The following SLC9C1 variants were observed in gnomAD, a reference collection of about 807,000 sequenced individuals.
SLC9C1 encodes the protein sodium/hydrogen exchanger 10.
Under a neutral mutation model 140.9 loss-of-function variants are expected in SLC9C1, and 97 were observed. That is an observed-to-expected ratio of 0.69 (90% CI 0.58 to 0.82). The LOEUF is 0.82. Among genes scored for constraint, SLC9C1 ranks in the 40% least tolerant of loss-of-function variants. The pLI, the probability that SLC9C1 is intolerant of heterozygous loss-of-function variation, is 0.00. For missense variants in SLC9C1, 1,340 were observed against 1,389.3 expected (o/e 0.96, Z 0.56); for synonymous variants, 440 against 442.6 (o/e 0.99, Z 0.07).
At chr3:112,149,829 A>G (rs1411396555) in intron 28 of SLC9C1, among the ~76,000 whole-genome samples, 1 of 151,956 alleles carries the variant, frequency 6.6e-6, no homozygotes, top group Non-Finnish European at 1.5e-5. Flanking sequence ...ATCTGTGTCC[A>G]GGAAGGGTGG....
At chr3:112,258,404 T>TTTTG (rs893640102) in intron 10 of SLC9C1, among the ~76,000 whole-genome samples, 6 of 135,922 alleles carry the variant, frequency 4.4e-5, no homozygotes, top group East Asian at 2.4e-4. Context: ...GGGTGGGTTT[T>TTTTG]TTTGTTTGTT....
intron 10 of SLC9C1, among the ~76,000 whole-genome samples, chr3:112,244,799 T>C (rs2079233564): frequency 1.3e-5 from 2 of 152,288 alleles, no homozygotes; most frequent in South Asian, 4.1e-4. Flanking sequence ...GGATAGAGCA[T>C]GAAACCACAC....
chr3:112,267,491 G>A (rs1407724374), intron 7 of SLC9C1, among the ~76,000 whole-genome samples: 1 of 143,050 alleles, frequency 7.0e-6, no homozygotes, highest in East Asian at 2.2e-4. Flanking sequence ...CAGGAGAATG[G>A]CGAGAACCCG....
chr3:112,217,354 A>G, intron 15 of SLC9C1, 88 bp downstream of exon 15: 1 of 1,464,630 alleles, frequency 6.8e-7, no homozygotes, highest in Non-Finnish European at 9.1e-7. Flanking sequence ...GTATAATAAC[A>G]AAAAATTCAA....
Position 112,274,745 on chromosome 3 carries a change from A to G in SLC9C1, c.613+152T>C, listed in dbSNP as rs1399863297. The G allele has an allele frequency of 9.9e-6, 7 of 704,084 alleles. 1 individual carries two copies. Among genetic ancestry groups the G allele is most frequent in the Non-Finnish European group, 1.4e-5 (7 of 495,562 alleles). 43.6% of individuals were successfully genotyped at this position (704,084 alleles called of 1,614,324 possible). A position where few individuals can be genotyped will look rare whatever the true frequency, so the allele number is the denominator to read the frequency against. Reference sequence around the variant, plus strand: ...ATGTAACTAACATTAAGTAATGTGTAATAGTGCTTTGTAAAGAGTAAGTCA... The same window carrying G: ...ATGTAACTAACATTAAGTAATGTGTGATAGTGCTTTGTAAAGAGTAAGTCA... On this transcript the variant is annotated intron_variant, in intron 6 of 28. Coordinates refer to ENST00000305815, the MANE Select transcript of SLC9C1 (RefSeq NM_183061.3).
intron 10 of SLC9C1, among the ~76,000 whole-genome samples, chr3:112,258,658 T>G (rs1426683521): frequency 6.6e-6 from 1 of 152,000 alleles, no homozygotes; most frequent in Non-Finnish European, 1.5e-5. Flanking sequence ...CAGGGTTTCA[T>G]CATGTTGGCT....
chr3:112,257,323 A>G (rs2079636115), intron 10 of SLC9C1, among the ~76,000 whole-genome samples: 2 of 152,146 alleles, frequency 1.3e-5, no homozygotes, highest in Non-Finnish European at 2.9e-5. Context: ...AGTAATCAAA[A>G]CTGCATGGGT....
intron 10 of SLC9C1, among the ~76,000 whole-genome samples, chr3:112,244,785 T>G (rs2079233479): frequency 6.6e-6 from 1 of 152,172 alleles, no homozygotes; most frequent in Non-Finnish European, 1.5e-5. Context: ...ACAGATGGAA[T>G]TAGGGATAGA....
At chr3:112,205,207 C>G (rs2078013307) in intron 16 of SLC9C1, among the ~76,000 whole-genome samples, 1 of 152,014 alleles carries the variant, frequency 6.6e-6, no homozygotes, top group Non-Finnish European at 1.5e-5. Flanking sequence ...AGCAAAGTCT[C>G]AGGATACAAA....
chr3:112,224,291 A>C (rs2078620843), intron 13 of SLC9C1, among the ~76,000 whole-genome samples: 1 of 152,160 alleles, frequency 6.6e-6, no homozygotes, highest in Admixed American at 6.6e-5. Flanking sequence ...TACCCAACTG[A>C]CACCCTGGGA....
intron 12 of SLC9C1, among the ~76,000 whole-genome samples, chr3:112,233,478 TCTTG>T (rs1452013367): frequency 1.3e-5 from 2 of 152,170 alleles, no homozygotes; most frequent in African/African-American, 4.8e-5. Context: ...TTTTGGTATT[TCTTG>T]ATTCTTTTTT....
chr3:112,226,586 G>A (rs548833206), intron 13 of SLC9C1, among the ~76,000 whole-genome samples: 2 of 152,156 alleles, frequency 1.3e-5, no homozygotes, highest in African/African-American at 4.8e-5. Flanking sequence ...GCCAGGTGTG[G>A]TGGCAAGCAC....
chr3:112,189,714 G>C (rs939579727), intron 20 of SLC9C1, among the ~76,000 whole-genome samples: 3 of 152,112 alleles, frequency 2.0e-5, no homozygotes, highest in Non-Finnish European at 4.4e-5. Context: ...TTAGCAATGC[G>C]GGCTCTTTTT....
intron 19 of SLC9C1, 147 bp downstream of exon 19, chr3:112,200,564 A>C (rs2077880704): frequency 3.0e-6 from 2 of 667,514 alleles, no homozygotes; most frequent in Non-Finnish European, 5.2e-6. Flanking sequence ...CTAGAAAATA[A>C]GATTGCATTG....
intron 26 of SLC9C1, among the ~76,000 whole-genome samples, chr3:112,157,851 A>C (rs2075172201): frequency 6.6e-6 from 1 of 151,388 alleles, no homozygotes; most frequent in Non-Finnish European, 1.5e-5. Flanking sequence ...AATGCTACTG[A>C]CTTTTTGTAT....
At chr3:112,287,389 G>A (rs1479557113) in intron 1 of SLC9C1, among the ~76,000 whole-genome samples, 2 of 152,214 alleles carry the variant, frequency 1.3e-5, no homozygotes, top group East Asian at 3.8e-4. Context: ...TCCAATCACA[G>A]CCTTCTTTGA....
chr3:112,285,668 C>T (rs1174241874), intron 2 of SLC9C1, among the ~76,000 whole-genome samples: 2 of 152,150 alleles, frequency 1.3e-5, no homozygotes, highest in East Asian at 1.9e-4. Context: ...GGAAAACAAG[C>T]AAGGGAGTCC....
At chr3:112,260,952 A>G (rs2079755125) in intron 10 of SLC9C1, among the ~76,000 whole-genome samples, 1 of 151,912 alleles carries the variant, frequency 6.6e-6, no homozygotes, top group Non-Finnish European at 1.5e-5. Context: ...CCTCCATGAT[A>G]CCCTGCCTCC....
chr3:112,217,562 C>G lies in SLC9C1; in HGVS notation c.1671-1G>C. ...CTTTATTGTATCAAGACTCATACAT[C>G]TAGAAAAAGAGAGAAATCTTTAAAC... On this transcript the variant is annotated splice_acceptor_variant, in intron 14 of 28. Transcript: ENST00000305815. LOFTEE classifies it high-confidence loss of function. 1.3e-6 allele frequency: 2 copies of G among 1,567,104 alleles called. No individual in the cohort carries two copies. Among genetic ancestry groups the G allele is most frequent in the Non-Finnish European group, 1.7e-6 (2 of 1,161,824 alleles).
Sources: gnomAD v4.1 joint callset for allele counts (sites outside exome capture counted in the v4.1 genomes callset) on GRCh38, gnomAD v4.1.1 for gene constraint, MANE v1.5 for transcripts, NCBI Gene and HGNC (gene_info 2026-07-23, HGNC 2026-07-21) for gene names.